Variants in TRAM2 observed in about 807,000 individuals in gnomAD.
TRAM2 encodes the protein translocation associated membrane protein 2.
TRAM2 carries 12 observed loss-of-function variants against 51.0 expected under a neutral mutation model. The ratio of observed to expected loss-of-function variants is 0.24; its 90% CI spans 0.15 to 0.38. The LOEUF (loss-of-function observed/expected upper bound fraction) is 0.38. Among genes scored for constraint, TRAM2 ranks in the 10% least tolerant of loss-of-function variants. TRAM2 has a pLI of 1.00. For missense variants in TRAM2, 361 were observed against 462.0 expected (o/e 0.78, Z 2.00); for synonymous variants, 175 against 179.4 (o/e 0.98, Z 0.20).
rs112033180 is a variant in TRAM2 at position 52,569,659 on chromosome 6, C to T, written c.120+7137G>A. 7.2e-3 allele frequency among the ~76,000 whole-genome samples: 1,096 copies of T among 152,028 alleles called. 13 individuals carry two copies. The highest frequency in any genetic ancestry group is 0.025 in the African/African-American group (1,030 of 41,464). On this transcript the variant is annotated intron_variant, in intron 1 of 10. Transcript: ENST00000182527. ...GTTGAGGCCCAATAGTTTGAGGACACACCTGCCACTCACATCAAGTTTAAG... is the reference window on the plus strand; with the variant it reads ...GTTGAGGCCCAATAGTTTGAGGACATACCTGCCACTCACATCAAGTTTAAG...
chr6:52,572,149 C>T (rs1310429455), intron 1 of TRAM2, among the ~76,000 whole-genome samples: 3 of 152,218 alleles, frequency 2.0e-5, no homozygotes, highest in Admixed American at 2.0e-4. Flanking sequence ...AATCCAACCA[C>T]AGAACAAGAG....
At position 52,576,929 on chromosome 6, in the gene TRAM2, C is replaced by A; in HGVS notation, c.-14G>T. The A allele has an allele frequency of 6.2e-7, 1 of 1,604,392 alleles. No homozygotes were observed. Among genetic ancestry groups the A allele is most frequent in the Non-Finnish European group, 8.5e-7 (1 of 1,176,072 alleles). On this transcript the variant is annotated 5_prime_UTR_variant, in exon 1 of 11. Coordinates refer to ENST00000182527, the MANE Select transcript of TRAM2 (RefSeq NM_012288.4). ...GCGGAAAGCCATGGCAGCGGGCGCG[C>A]AGCGGCCGGCGGGGCCCGCACCCTG...
At chr6:52,553,192 A>C (rs1396435212) in intron 1 of TRAM2, among the ~76,000 whole-genome samples, 1 of 152,152 alleles carries the variant, frequency 6.6e-6, no homozygotes, top group Non-Finnish European at 1.5e-5. Flanking sequence ...CTGCCTCTCC[A>C]CATTTGATTA....
At chr6:52,512,807 T>C (rs747050404) in intron 4 of TRAM2, among the ~76,000 whole-genome samples, 15 of 152,168 alleles carry the variant, frequency 9.9e-5, no homozygotes, top group Non-Finnish European at 2.1e-4. Context: ...AATTCAGACA[T>C]ACCTTATATT....
At chr6:52,535,502 G>A (rs769457843) in intron 2 of TRAM2, among the ~76,000 whole-genome samples, 1 of 152,326 alleles carries the variant, frequency 6.6e-6, no homozygotes. Flanking sequence ...CCAACATGGT[G>A]AAATTCCTTC....
In TRAM2 at chr6:52,577,035, T is replaced by TCGCC. The variant is rs1406310558; in HGVS notation, c.-124_-121dup. The TCGCC allele has an allele frequency of 2.0e-5, 23 of 1,177,300 alleles. No individual in the cohort carries two copies. Among genetic ancestry groups the TCGCC allele is most frequent in the Non-Finnish European group, 1.9e-5 (18 of 936,568 alleles). The allele number at this position is 1,177,300 out of a possible 1,614,324, so 72.9% of individuals were successfully genotyped here. On this transcript the variant is annotated 5_prime_UTR_variant, in exon 1 of 11. Coordinates refer to ENST00000182527, the MANE Select transcript of TRAM2 (RefSeq NM_012288.4). ...CCGCCGCCCGCTCTCCCACAGCCGC[T>TCGCC]CGCCCGCCCAGCGCGGAACAACTTC...
intron 8 of TRAM2, 127 bp from the exon 9 acceptor site, chr6:52,505,869 CGA>C: frequency 1.4e-6 from 2 of 1,417,304 alleles, no homozygotes; most frequent in Non-Finnish European, 1.9e-6. Context: ...GCTTGAGGGA[CGA>C]GATATCTAAA....
In TRAM2 at chr6:52,504,665, C is replaced by G; in HGVS notation, c.965G>C (p.Trp322Ser). 6.2e-7 allele frequency: 1 copy of G among 1,611,562 alleles called. No individual in the cohort carries two copies. Among genetic ancestry groups the G allele is most frequent in the East Asian group, 2.2e-5 (1 of 44,820 alleles). The change falls in exon 10 of 11, where the codon TGG becomes TCG. Residue 322 changes from tryptophan to serine, a missense_variant. Coordinates refer to ENST00000182527, the MANE Select transcript of TRAM2 (RefSeq NM_012288.4). The part of the protein sequence containing the change: ...HSQLRHWREY[W>S]NEQSAKRRVP... The stretch of plus-strand genomic sequence containing the variant: ...TCTCCGCTTTGCACTCTGCTCATTC[C>G]AGTATTCCCGCCAGTGCCGCAGCTG...
At chr6:52,521,590 G>A (rs1430629199) in intron 2 of TRAM2, among the ~76,000 whole-genome samples, 1 of 151,812 alleles carries the variant, frequency 6.6e-6, no homozygotes, top group Non-Finnish European at 1.5e-5. Flanking sequence ...CCAGCTACTC[G>A]GGAGGCTGAG....
intron 2 of TRAM2, chr6:52,524,580 C>T (rs2284812): frequency 0.1 from 15,714 of 152,062 alleles, 1,410 homozygotes; most frequent in East Asian, 0.51. Flanking sequence ...TAGGTTCAAT[C>T]GGTACAAAAA....
chr6:52,520,543 A>G (rs1766653096), intron 2 of TRAM2, among the ~76,000 whole-genome samples: 1 of 152,264 alleles, frequency 6.6e-6, no homozygotes, highest in South Asian at 2.1e-4. Flanking sequence ...TTCCTTCTGG[A>G]ACAGTACCTA....
chr6:52,507,409 T>C lies in TRAM2; in HGVS notation c.626+144A>G, dbSNP rs1766369379. ...CCACTGAAGATAAAGAATCTTCCAT[T>C]ACCATCTTTGTATTGCCAAGTCTTA... On this transcript the variant is annotated intron_variant, in intron 7 of 10. Transcript: ENST00000182527. 4.0e-6 allele frequency: 3 copies of C among 754,952 alleles called. No individual in the cohort carries two copies. In the Admixed American group the frequency reaches 8.5e-5, roughly 21 times the overall value. The allele number at this position is 754,952 out of a possible 1,614,324, so 46.8% of individuals were successfully genotyped here.
At chr6:52,521,265 A>T (rs757854035) in intron 2 of TRAM2, among the ~76,000 whole-genome samples, 9 of 152,120 alleles carry the variant, frequency 5.9e-5, no homozygotes, top group Non-Finnish European at 8.8e-5. Flanking sequence ...CAAACGTAGT[A>T]ATAAATTGGT....
Position 52,577,050 on chromosome 6 carries a change from G to A in TRAM2, c.-135C>T, listed in dbSNP as rs1314374393. ...CCACAGCCGCTCGCCCGCCCAGCGC[G>A]GAACAACTTCGGGGCCCGCCCCCTT... On this transcript the variant is annotated 5_prime_UTR_variant, in exon 1 of 11. Coordinates refer to ENST00000182527, the MANE Select transcript of TRAM2 (RefSeq NM_012288.4). 159 of 1,043,718 alleles carry A rather than the reference G, an allele frequency of 1.5e-4. No individual in the cohort carries two copies. Among genetic ancestry groups the A allele is most frequent in the Non-Finnish European group, 1.8e-4 (154 of 836,704 alleles). 64.7% of individuals were successfully genotyped at this position (1,043,718 alleles called of 1,614,324 possible). A position where few individuals can be genotyped will look rare whatever the true frequency, so the allele number is the denominator to read the frequency against.
At chr6:52,554,416 T>C (rs574141267) in intron 1 of TRAM2, among the ~76,000 whole-genome samples, 1 of 149,030 alleles carries the variant, frequency 6.7e-6, no homozygotes, top group Non-Finnish European at 1.5e-5. Context: ...GCTACTCGGG[T>C]GGCTGAGGCA....
intron 10 of TRAM2, 69 bp from the exon 11 acceptor site, chr6:52,503,339 G>A (rs1766276628): frequency 1.4e-6 from 2 of 1,469,850 alleles, no homozygotes; most frequent in Non-Finnish European, 1.9e-6. Flanking sequence ...GGGGAGGGTG[G>A]GGCCAGGCCA....
chr6:52,576,784 C>T lies in TRAM2; in HGVS notation c.120+12G>A. ...CACTGTCCCTCCAGCTCCCTCCTCC[C>T]CAGGCTCTCACCTCGAACATAAGCC... On this transcript the variant is annotated intron_variant, in intron 1 of 10. Transcript: ENST00000182527. The T allele has an allele frequency of 1.2e-6, 2 of 1,611,768 alleles. No homozygotes were observed. Among genetic ancestry groups the T allele is most frequent in the Non-Finnish European group, 8.5e-7 (1 of 1,178,798 alleles).
intron 2 of TRAM2, among the ~76,000 whole-genome samples, chr6:52,531,075 T>C (rs976389849): frequency 3.9e-5 from 5 of 127,276 alleles, no homozygotes; most frequent in African/African-American, 1.6e-4. Context: ...AGCTATACAC[T>C]ACTTAAGGAA....
At chr6:52,567,558 T>C (rs1767608789) in intron 1 of TRAM2, among the ~76,000 whole-genome samples, 1 of 152,244 alleles carries the variant, frequency 6.6e-6, no homozygotes, top group African/African-American at 2.4e-5. Context: ...GGTAATAAAA[T>C]GTACTATGCA....
Sources: gnomAD v4.1 joint callset for allele counts (sites outside exome capture counted in the v4.1 genomes callset) on GRCh38, gnomAD v4.1.1 for gene constraint, MANE v1.5 for transcripts, NCBI Gene and HGNC (gene_info 2026-07-23, HGNC 2026-07-21) for gene names.